The following GPN3 variants were observed in gnomAD, a reference collection of about 807,000 sequenced individuals.
GPN3 encodes GPN-loop GTPase 3, also known as ATP-binding domain 1 family member C.
In GPN3, 31 loss-of-function variants were observed where a neutral mutation model predicts 38.7. That is an observed-to-expected ratio of 0.80 (90% CI 0.60 to 1.08). The LOEUF is 1.08. Ranked by LOEUF, GPN3 falls within the 50% of genes least tolerant of loss-of-function variation. GPN3 has a pLI of 0.00. For missense variants in GPN3, 301 were observed against 354.4 expected, an observed-to-expected ratio of 0.85 and a Z score of 1.21; for synonymous variants, 116 against 120.2, an observed-to-expected ratio of 0.96 and a Z score of 0.23.
At chr12:110,460,402 CA>C (rs2062578501) in intron 2 of GPN3, among the ~76,000 whole-genome samples, 1 of 152,002 alleles carries the variant, frequency 6.6e-6, no homozygotes, top group Admixed American at 6.6e-5. Context: ...TTACCTATTC[CA>C]AAAAAGTACA....
chr12:110,460,936 C>A, intron 2 of GPN3: 1 of 875,386 alleles, frequency 1.1e-6, no homozygotes, highest in Non-Finnish European at 1.9e-6. Context: ...TGCTCTCAAG[C>A]CCAGGCGACA....
chr12:110,468,231 T>C lies in GPN3; in HGVS notation c.-28A>G. On this transcript the variant is annotated 5_prime_UTR_variant, in exon 1 of 8. Coordinates refer to ENST00000228827, the MANE Select transcript of GPN3 (RefSeq NM_016301.4). ...TGGCTCCCGGAGCCGCCCGCCACAC[T>C]CCCTTAGCCTTCGCGCGACGCCCAC... 1 of 1,607,492 alleles carries C rather than the reference T, an allele frequency of 6.2e-7. No individual in the cohort carries two copies. The highest frequency in any genetic ancestry group is 8.5e-7 in the Non-Finnish European group (1 of 1,179,858).
Position 110,457,624 on chromosome 12 carries a change from C to T in GPN3, c.336G>A (p.Glu112=). The change falls in exon 4 of 8, where the codon GAG becomes GAA. Residue 112 remains glutamate, a synonymous_variant. Transcript: ENST00000228827. ...TCATCACAGGCAGGTGAGTGTACAA[C>T]TCAATCTGACCTACATGAAGAGTAT... is the stretch of plus-strand genomic sequence containing the variant. The part of the protein sequence containing the change: ...YILFDCPGQI[E]LYTHLPVMKQ... 1.9e-6 allele frequency: 3 copies of T among 1,599,894 alleles called. No homozygotes were observed. Among genetic ancestry groups the T allele is most frequent in the Non-Finnish European group, 2.6e-6 (3 of 1,172,544 alleles).
At chr12:110,461,059 A>G (rs1388035120) in intron 2 of GPN3, 28 of 1,581,058 alleles carry the variant, frequency 1.8e-5, no homozygotes, top group Non-Finnish European at 2.3e-5. Context: ...TAACCCGAGA[A>G]TACACCATCA....
chr12:110,457,566 A>T lies in GPN3; in HGVS notation c.394T>A (p.Phe132Ile). 6.2e-7 allele frequency: 1 copy of T among 1,611,332 alleles called. No homozygotes were observed. The highest frequency in any genetic ancestry group is 1.3e-5 in the African/African-American group (1 of 74,720). ...QLVQQLEQWEFRVCGVFLVDS... is the reference protein window; with the variant it reads ...QLVQQLEQWEIRVCGVFLVDS... ...ACAAGAAAAACTCCACAGACTCGGA[A>T]CTCCCACTGCTCGAGCTGCTGGACC... The change falls in exon 4 of 8, where the codon TTC (phenylalanine) becomes ATC (isoleucine). Residue 132 changes from phenylalanine to isoleucine, a missense_variant. Physicochemically the swap from Phe to Ile is conservative, Grantham distance 21. Coordinates refer to ENST00000228827, the MANE Select transcript of GPN3 (RefSeq NM_016301.4).
chr12:110,459,648 A>C, intron 3 of GPN3, 47 bp downstream of exon 3: 1 of 1,277,652 alleles, frequency 7.8e-7, no homozygotes, highest in South Asian at 1.2e-5. Flanking sequence ...TAAGGATGGA[A>C]CTATCAAGAC....
intron 6 of GPN3, among the ~76,000 whole-genome samples, chr12:110,454,098 G>A (rs1405711037): frequency 6.6e-6 from 1 of 152,130 alleles, no homozygotes; most frequent in East Asian, 1.9e-4. Flanking sequence ...ACTAGACACT[G>A]TTTCACGGCT....
At chr12:110,467,057 C>T (rs892299645) in intron 1 of GPN3, among the ~76,000 whole-genome samples, 4 of 152,064 alleles carry the variant, frequency 2.6e-5, no homozygotes, top group African/African-American at 9.7e-5. Flanking sequence ...GGCACGATCA[C>T]CACTCACCAC....
At position 110,457,612 on chromosome 12, in the gene GPN3, G is replaced by C. The variant is rs373251989; in HGVS notation, c.348C>G (p.His116Gln). 6.2e-7 allele frequency: 1 copy of C among 1,604,098 alleles called. No homozygotes were observed. Among genetic ancestry groups the C allele is most frequent in the South Asian group, 1.1e-5 (1 of 90,540 alleles). The change falls in exon 4 of 8, where the codon CAC (histidine) becomes CAG (glutamine). Residue 116 changes from histidine (H) to glutamine (Q), a missense_variant. Physicochemically the swap from His to Gln is conservative, Grantham distance 24 (BLOSUM62 0). Transcript: ENST00000228827. Reference protein sequence around the residue: ...DCPGQIELYTHLPVMKQLVQQ... With the variant: ...DCPGQIELYTQLPVMKQLVQQ... Reference sequence around the variant, plus strand: ...GGACCAGCTGTTTCATCACAGGCAGGTGAGTGTACAACTCAATCTGACCTA... The same window carrying C: ...GGACCAGCTGTTTCATCACAGGCAGCTGAGTGTACAACTCAATCTGACCTA...
At chr12:110,461,283 C>T in intron 2 of GPN3, 1 of 1,291,346 alleles carries the variant, frequency 7.7e-7, no homozygotes, top group Non-Finnish European at 1.1e-6. Context: ...GAAGATTCAC[C>T]AAATAAGCCA....
In GPN3 at chr12:110,467,986, T is replaced by C. The variant is rs565990893; in HGVS notation, c.48+170A>G. ...AATAAATATTAACAACTACCATTAT[T>C]TCCCTTTCAAAACAACAACAAAAAA... On this transcript the variant is annotated intron_variant, in intron 1 of 7. Transcript: ENST00000228827. 975 of 925,860 alleles carry C rather than the reference T, an allele frequency of 1.1e-3. 7 individuals are homozygous for C. The highest frequency in any genetic ancestry group is 9.8e-3 in the Middle Eastern group (47 of 4,786). 57.4% of individuals were successfully genotyped at this position (925,860 alleles called of 1,614,324 possible). A position where few individuals can be genotyped will look rare whatever the true frequency, so the allele number is the denominator to read the frequency against.
At chr12:110,466,981 G>A (rs1444349595) in intron 1 of GPN3, among the ~76,000 whole-genome samples, 1 of 151,248 alleles carries the variant, frequency 6.6e-6, no homozygotes, top group Non-Finnish European at 1.5e-5. Flanking sequence ...ACAGACTCTA[G>A]TGTTTCCACA....
At chr12:110,461,119 G>A in intron 2 of GPN3, 2 of 1,330,568 alleles carry the variant, frequency 1.5e-6, no homozygotes, top group Non-Finnish European at 2.2e-6. Flanking sequence ...GTGCCCCTCA[G>A]GCACTCAAAG....
At chr12:110,464,573 G>A (rs1278866324) in intron 2 of GPN3, among the ~76,000 whole-genome samples, 1 of 151,432 alleles carries the variant, frequency 6.6e-6, no homozygotes, top group Non-Finnish European at 1.5e-5. Flanking sequence ...AAAGGGTGCT[G>A]AGGGAAGTGT....
upstream of GPN3, chr12:110,468,406 G>A: frequency 1.3e-6 from 2 of 1,532,484 alleles, no homozygotes; most frequent in Non-Finnish European, 1.7e-6. Flanking sequence ...CGAGGGAGAG[G>A]ATTTGCGCGT....
chr12:110,452,900 T>G lies in GPN3; in HGVS notation c.*134A>C. On this transcript the variant is annotated 3_prime_UTR_variant, in exon 8 of 8. Transcript: ENST00000228827. Reference sequence around the variant, plus strand: ...AATAATTAAAAATTTGATTCAGGCATGAGGCTGATAAAGAACGAAGTTTTA... The same window carrying G: ...AATAATTAAAAATTTGATTCAGGCAGGAGGCTGATAAAGAACGAAGTTTTA... The G allele has an allele frequency of 1.5e-6, 1 of 670,012 alleles. No homozygotes were observed. Among genetic ancestry groups the G allele is most frequent in the Non-Finnish European group, 2.8e-6 (1 of 363,162 alleles). 41.5% of individuals were successfully genotyped at this position (670,012 alleles called of 1,614,324 possible).
Position 110,459,698 on chromosome 12 carries a change from G to A in GPN3, c.322C>T (p.Pro108Ser). ...VEDDYILFDC[P>S]GQIELYTHLP... ...TGCATTCAAATTGTTGATTCACCTG[G>A]ACAATCAAAAAGGATATAGTCGTCC... The change falls in exon 3 of 8, where the codon CCA becomes TCA. Residue 108 changes from proline to serine, a missense_variant. Transcript: ENST00000228827. 6.2e-7 allele frequency: 1 copy of A among 1,606,164 alleles called. No individual in the cohort carries two copies. The highest frequency in any genetic ancestry group is 8.5e-7 in the Non-Finnish European group (1 of 1,172,854).
At chr12:110,463,480 C>CA (rs2062605489) in intron 2 of GPN3, among the ~76,000 whole-genome samples, 1 of 149,926 alleles carries the variant, frequency 6.7e-6, no homozygotes, top group Non-Finnish European at 1.5e-5. Context: ...ACAACAAAAA[C>CA]AAAAAAAGGC....
chr12:110,468,275 A>G, upstream of GPN3: 1 of 1,599,590 alleles, frequency 6.3e-7, no homozygotes, highest in Non-Finnish European at 8.5e-7. Flanking sequence ...GGGAAAGTGA[A>G]GTGCGAACCA....
Sources: gnomAD v4.1 joint callset for allele counts (sites outside exome capture counted in the v4.1 genomes callset) on GRCh38, gnomAD v4.1.1 for gene constraint, MANE v1.5 for transcripts, NCBI Gene and HGNC (gene_info 2026-07-23, HGNC 2026-07-21) for gene names.